Variants in DHDDS observed in about 807,000 individuals in gnomAD.
The protein encoded by DHDDS is dehydrodolichyl diphosphate synthase subunit, also known as dehydrodolichyl diphosphate synthase complex subunit DHDDS.
A neutral mutation model predicts 46.2 loss-of-function variants in DHDDS; 16 were observed. That is an observed-to-expected ratio of 0.35 (90% confidence interval 0.23 to 0.53). The LOEUF is 0.53. DHDDS is among the 20% of genes least tolerant of loss of function. The probability of loss-of-function intolerance (pLI) is 0.94; values close to 1 mark genes in which losing one functional copy is unlikely to be tolerated. For synonymous variants in DHDDS, 151 were observed against 163.1 expected, an observed-to-expected ratio of 0.93 and a Z score of 0.56; for missense variants, 340 against 423.7, an observed-to-expected ratio of 0.80 and a Z score of 1.73.
At chr1:26,450,655 A>G (rs1341766923) in intron 6 of DHDDS, among the ~76,000 whole-genome samples, 5 of 152,194 alleles carry the variant, frequency 3.3e-5, no homozygotes, top group African/African-American at 1.2e-4. Context: ...ACCCATGGAA[A>G]CAATGGTGTC....
chr1:26,460,907 C>G (rs1286325643), intron 8 of DHDDS, among the ~76,000 whole-genome samples: 1 of 152,114 alleles, frequency 6.6e-6, no homozygotes, highest in East Asian at 1.9e-4. Flanking sequence ...GGGTTTTGCT[C>G]TTGTTGCCCA....
At chr1:26,436,431 T>C (rs1441408776) in intron 2 of DHDDS, among the ~76,000 whole-genome samples, 1 of 150,348 alleles carries the variant, frequency 6.7e-6, no homozygotes, top group African/African-American at 2.5e-5. Flanking sequence ...GTTTGTTTGT[T>C]TGTTTGTTTT....
intron 6 of DHDDS, among the ~76,000 whole-genome samples, chr1:26,453,966 G>GT (rs1331052432): frequency 6.7e-6 from 1 of 149,014 alleles, no homozygotes; most frequent in Non-Finnish European, 1.5e-5. Flanking sequence ...CTTTTTTTTT[G>GT]TTTTTGAGAT....
rs2075356058 is a variant in DHDDS at position 26,454,854 on chromosome 1, G to A, written c.543-2937G>A. The A allele has an allele frequency of 2.5e-6, 4 of 1,586,798 alleles. No individual in the cohort carries two copies. The Admixed American group carries it at 6.7e-5, about 27-fold the overall frequency. On this transcript the variant is annotated intron_variant, in intron 6 of 8. Transcript: ENST00000236342. ...TTCACTTGGATATGCTCAATGACCA[G>A]AGAATCTACATTTAAACCCTTAAGT...
intron 2 of DHDDS, among the ~76,000 whole-genome samples, chr1:26,433,796 C>T (rs1029330970): frequency 9.9e-5 from 15 of 151,890 alleles, no homozygotes; most frequent in African/African-American, 2.4e-4. Context: ...AGTGCAATGG[C>T]GCAATCTTGG....
At chr1:26,456,945 T>C (rs1293040170) in intron 6 of DHDDS, among the ~76,000 whole-genome samples, 1 of 152,198 alleles carries the variant, frequency 6.6e-6, no homozygotes, top group Non-Finnish European at 1.5e-5. Context: ...AATCAGTGCA[T>C]TTAGATTTAT....
intron 2 of DHDDS, among the ~76,000 whole-genome samples, chr1:26,437,805 A>G (rs78509512): frequency 0.023 from 3,425 of 151,878 alleles, 125 homozygotes; most frequent in African/African-American, 0.077. Context: ...AGAAAAAAAA[A>G]AAAAGAAAAG....
rs2075234723 is a variant in DHDDS at position 26,443,063 on chromosome 1, AAAAG to A, written c.323+191_323+194del. On this transcript the variant is annotated intron_variant, in intron 4 of 8. Coordinates refer to ENST00000236342, the MANE Select transcript of DHDDS (RefSeq NM_205861.3). ...TTCTTTATTTCTAACTTTTTAATAA[AAAAG>A]GGGGCATTTATTTGAGGATATTGAG... is the stretch of plus-strand genomic sequence containing the variant. 7.1e-6 allele frequency: 4 copies of A among 566,950 alleles called. No homozygotes were observed. The East Asian group carries it at 2.2e-4, about 31-fold the overall frequency. The allele number at this position is 566,950 out of a possible 1,614,324, so 35.1% of individuals were successfully genotyped here.
In DHDDS at chr1:26,457,909, G is replaced by A; in HGVS notation, c.657+4G>A. On this transcript the variant is annotated splice_donor_region_variant and intron_variant, in intron 7 of 8. Coordinates refer to ENST00000236342, the MANE Select transcript of DHDDS (RefSeq NM_205861.3). Reference sequence around the variant, plus strand: ...GAGTGACTTCTTGCTATGGCAGGTAGGTCATTTCCAAGTACTATTATGTTT... The same window carrying A: ...GAGTGACTTCTTGCTATGGCAGGTAAGTCATTTCCAAGTACTATTATGTTT... The A allele has an allele frequency of 7.5e-6, 12 of 1,609,980 alleles. No homozygotes were observed. Among genetic ancestry groups the A allele is most frequent in the Non-Finnish European group, 1.0e-5 (12 of 1,176,528 alleles).
intron 4 of DHDDS, among the ~76,000 whole-genome samples, chr1:26,443,718 A>G (rs2075240471): frequency 6.6e-6 from 1 of 152,104 alleles, no homozygotes; most frequent in Non-Finnish European, 1.5e-5. Flanking sequence ...TTCTGTCTAT[A>G]TTAGGATGGT....
At chr1:26,468,190 G>A (rs1020282607) in intron 8 of DHDDS, among the ~76,000 whole-genome samples, 1 of 151,620 alleles carries the variant, frequency 6.6e-6, no homozygotes, top group African/African-American at 2.4e-5. Context: ...TGCAATAAGT[G>A]GCTTAAGAGA....
At chr1:26,447,405 A>T (rs1442862663) in intron 5 of DHDDS, among the ~76,000 whole-genome samples, 154 bp from the exon 6 acceptor site, 1 of 152,124 alleles carries the variant, frequency 6.6e-6, no homozygotes, top group Non-Finnish European at 1.5e-5. Context: ...ACCACAAAAA[A>T]CTCATAATTT....
At chr1:26,461,383 C>CTT (rs71581068) in intron 8 of DHDDS, among the ~76,000 whole-genome samples, 34 of 136,470 alleles carry the variant, frequency 2.5e-4, no homozygotes, top group South Asian at 4.7e-4. Context: ...ACATAGAATA[C>CTT]TTTTTTTTTT....
chr1:26,438,185 A>G lies in DHDDS; in HGVS notation c.81A>G (p.Lys27=), dbSNP rs759795707. The change falls in exon 3 of 9, where the codon AAA becomes AAG. Residue 27 remains lysine, a synonymous_variant. Coordinates refer to ENST00000236342, the MANE Select transcript of DHDDS (RefSeq NM_205861.3). The part of the protein sequence containing the change: ...ANIIKAGPMP[K]HIAFIMDGNR... ...TTCCACAGGCAGGCCCAATGCCGAA[A>G]CACATTGCATTCATAATGGACGGGA... The G allele has an allele frequency of 1.9e-6, 3 of 1,613,974 alleles. No homozygotes were observed. The highest frequency in any genetic ancestry group is 2.2e-5 in the South Asian group (2 of 91,074).
At chr1:26,460,679 A>G (rs186570287) in intron 8 of DHDDS, among the ~76,000 whole-genome samples, 1 of 152,342 alleles carries the variant, frequency 6.6e-6, no homozygotes, top group East Asian at 1.9e-4. Context: ...TCACCTGTAT[A>G]TGATTAGGTC....
At chr1:26,468,484 T>C (rs776255719) in intron 8 of DHDDS, among the ~76,000 whole-genome samples, 1 of 152,160 alleles carries the variant, frequency 6.6e-6, no homozygotes, top group African/African-American at 2.4e-5. Flanking sequence ...TTTGCATATG[T>C]TATCTCTAAT....
At chr1:26,447,929 T>G (rs1005588537) in intron 6 of DHDDS, 6 of 593,352 alleles carry the variant, frequency 1.0e-5, no homozygotes, top group East Asian at 2.8e-5. Context: ...TGGAAAGATT[T>G]AAGGGGATCT....
In DHDDS at chr1:26,460,119, T is replaced by A. The variant is rs1167039995; in HGVS notation, c.740T>A (p.Phe247Tyr). Residue 247 changes from phenylalanine to tyrosine, a missense_variant, in exon 8 of 9, where the codon TTC (phenylalanine) becomes TAC (tyrosine). Transcript: ENST00000236342. ...FWNLFEAILQFQMNHSVLQKA... is the reference protein window; with the variant it reads ...FWNLFEAILQYQMNHSVLQKA... ...AACCTCTTCGAGGCCATCCTGCAGTTCCAGATGAACCATAGCGTGCTTCAG... is the reference window on the plus strand; with the variant it reads ...AACCTCTTCGAGGCCATCCTGCAGTACCAGATGAACCATAGCGTGCTTCAG... 6.2e-7 allele frequency: 1 copy of A among 1,614,000 alleles called. No individual in the cohort carries two copies. Among genetic ancestry groups the A allele is most frequent in the Non-Finnish European group, 8.5e-7 (1 of 1,179,992 alleles).
At chr1:26,434,801 C>T (rs572402246) in intron 2 of DHDDS, among the ~76,000 whole-genome samples, 127 of 150,854 alleles carry the variant, frequency 8.4e-4, no homozygotes, top group Middle Eastern at 3.4e-3. Context: ...TTATAGGCAC[C>T]GGCCACCATG....
Sources: gnomAD v4.1 joint callset for allele counts (sites outside exome capture counted in the v4.1 genomes callset) on GRCh38, gnomAD v4.1.1 for gene constraint, MANE v1.5 for transcripts, NCBI Gene and HGNC (gene_info 2026-07-23, HGNC 2026-07-21) for gene names.